The following FBXL17 variants were observed in gnomAD, a reference collection of about 807,000 sequenced individuals.
The protein encoded by FBXL17 is F-box/LRR-repeat protein 17.
A neutral mutation model predicts 66.2 loss-of-function variants in FBXL17; 22 were observed. The observed-to-expected ratio is 0.33, with a 90% CI of 0.24 to 0.47. The LOEUF (loss-of-function observed/expected upper bound fraction) is 0.47, where lower values mean the gene tolerates loss of function less well. FBXL17 is among the 20% of genes least tolerant of loss of function. The pLI, the probability that FBXL17 is intolerant of heterozygous loss-of-function variation, is 1.00. For missense variants in FBXL17, 878 were observed against 948.2 expected (o/e 0.93, Z 0.97); for synonymous variants, 474 against 400.5 (o/e 1.18, Z -2.19).
chr5:108,367,293 T>C (rs1412769949), intron 2 of FBXL17, among the ~76,000 whole-genome samples: 1 of 151,580 alleles, frequency 6.6e-6, no homozygotes, highest in Non-Finnish European at 1.5e-5. Flanking sequence ...ATTAGGCAGC[T>C]AAGCAACAGG....
chr5:107,894,652 T>C (rs1187403301), intron 7 of FBXL17, among the ~76,000 whole-genome samples: 1 of 152,142 alleles, frequency 6.6e-6, no homozygotes, highest in African/African-American at 2.4e-5. Context: ...TGATCCATCC[T>C]GGGGGACATT....
At chr5:108,373,755 A>G (rs1749224943) in intron 1 of FBXL17, among the ~76,000 whole-genome samples, 1 of 151,902 alleles carries the variant, frequency 6.6e-6, no homozygotes, top group African/African-American at 2.4e-5. Flanking sequence ...GTCTCCACAA[A>G]AAAAATGACA....
chr5:107,954,392 C>T (rs1384138035), intron 7 of FBXL17, among the ~76,000 whole-genome samples: 1 of 152,174 alleles, frequency 6.6e-6, no homozygotes, highest in Non-Finnish European at 1.5e-5. Flanking sequence ...AGTGATATCT[C>T]ATTAGGAAAG....
rs569239135 is a variant in FBXL17 at position 108,012,770 on chromosome 5, C to T, written c.1822+8155G>A. Among the ~76,000 whole-genome samples, 8 of 152,146 alleles carry T rather than the reference C, an allele frequency of 5.3e-5. No individual in the cohort carries two copies. The South Asian group carries it at 8.3e-4, about 16-fold the overall frequency. On this transcript the variant is annotated intron_variant, in intron 7 of 8. Coordinates refer to ENST00000542267, the MANE Select transcript of FBXL17 (RefSeq NM_001163315.3). ...GTGGCTCATGCCTGTAATCCCAGCACTTTGGGAGGCCAAGGCAGGCGGATC... is the reference window on the plus strand; with the variant it reads ...GTGGCTCATGCCTGTAATCCCAGCATTTTGGGAGGCCAAGGCAGGCGGATC...
At chr5:108,268,629 A>G (rs1435260757) in intron 4 of FBXL17, among the ~76,000 whole-genome samples, 1 of 130,628 alleles carries the variant, frequency 7.7e-6, no homozygotes, top group African/African-American at 4.5e-5. Flanking sequence ...ATTCAAACTG[A>G]AAAAAAAATG....
At chr5:107,944,685 C>T (rs1490165967) in intron 7 of FBXL17, among the ~76,000 whole-genome samples, 3 of 152,116 alleles carry the variant, frequency 2.0e-5, no homozygotes, top group African/African-American at 7.2e-5. Context: ...GATGAGACTG[C>T]CACATGTTCT....
intron 7 of FBXL17, among the ~76,000 whole-genome samples, chr5:107,909,013 C>A (rs539937861): frequency 6.6e-6 from 1 of 152,218 alleles, no homozygotes; most frequent in South Asian, 2.1e-4. Context: ...CCCATCTTAA[C>A]TATGATTAAC....
intron 7 of FBXL17, among the ~76,000 whole-genome samples, chr5:107,961,603 CAGA>C (rs1751911440): frequency 6.6e-6 from 1 of 152,112 alleles, no homozygotes; most frequent in African/African-American, 2.4e-5. Context: ...GGGGCAAGGA[CAGA>C]AGAAGTAGTT....
chr5:107,999,786 C>A (rs1753643156), intron 7 of FBXL17, among the ~76,000 whole-genome samples: 1 of 152,144 alleles, frequency 6.6e-6, no homozygotes, highest in African/African-American at 2.4e-5. Context: ...TAAACACTTA[C>A]TGGTTGATTG....
intron 6 of FBXL17, among the ~76,000 whole-genome samples, chr5:108,178,798 A>C (rs978948260): frequency 6.6e-6 from 1 of 152,172 alleles, no homozygotes; most frequent in African/African-American, 2.4e-5. Context: ...CTTTATTTCC[A>C]AGTTTTCAGG....
intron 7 of FBXL17, among the ~76,000 whole-genome samples, chr5:107,910,105 G>T (rs1749898689): frequency 6.7e-6 from 1 of 149,650 alleles, no homozygotes; most frequent in African/African-American, 2.5e-5. Context: ...TTTGCTTGCA[G>T]TGTGGGATGG....
At chr5:108,322,248 AATTT>A (rs1443752196) in intron 4 of FBXL17, among the ~76,000 whole-genome samples, 2 of 151,980 alleles carry the variant, frequency 1.3e-5, no homozygotes, top group Non-Finnish European at 2.9e-5. Flanking sequence ...TAAATGACAT[AATTT>A]ATTTAATTGC....
At chr5:108,237,847 T>C (rs1580670550) in intron 4 of FBXL17, among the ~76,000 whole-genome samples, 1 of 152,288 alleles carries the variant, frequency 6.6e-6, no homozygotes, top group East Asian at 1.9e-4. Flanking sequence ...TCTGATGCTC[T>C]ACAGAGTACA....
At chr5:107,866,178 G>T (rs1006216238) in intron 8 of FBXL17, among the ~76,000 whole-genome samples, 1 of 151,496 alleles carries the variant, frequency 6.6e-6, no homozygotes, top group Admixed American at 6.6e-5. Context: ...ACTCCTATAT[G>T]ACACATGAGA....
At chr5:108,335,924 A>AAC (rs1413161090) in intron 4 of FBXL17, among the ~76,000 whole-genome samples, 1 of 152,138 alleles carries the variant, frequency 6.6e-6, no homozygotes, top group Non-Finnish European at 1.5e-5. Context: ...GGGAAAAAAA[A>AAC]ACACAATTTA....
At chr5:108,311,804 A>G (rs772043434) in intron 4 of FBXL17, among the ~76,000 whole-genome samples, 10 of 152,362 alleles carry the variant, frequency 6.6e-5, no homozygotes, top group Middle Eastern at 6.8e-3. Flanking sequence ...AAGAGAATGC[A>G]TAATAACAAA....
intron 6 of FBXL17, among the ~76,000 whole-genome samples, chr5:108,166,586 A>T (rs754988258): frequency 1.3e-5 from 2 of 152,214 alleles, no homozygotes; most frequent in Non-Finnish European, 2.9e-5. Context: ...TGATATGTTA[A>T]CAAAGTGGAC....
intron 4 of FBXL17, among the ~76,000 whole-genome samples, chr5:108,321,123 T>TGATATTG: frequency 6.7e-6 from 1 of 150,210 alleles, no homozygotes; most frequent in East Asian, 1.9e-4. Context: ...ATATAACTGC[T>TGATATTG]GATGCTCGTA....
In FBXL17 at chr5:108,381,194, C is replaced by T; in HGVS notation, c.498G>A (p.Pro166=). Residue 166 remains proline (P), a synonymous_variant, in exon 1 of 9, where the codon CCG becomes CCA. Coordinates refer to ENST00000542267, the MANE Select transcript of FBXL17 (RefSeq NM_001163315.3). ...CGGCGGGCGGCCCCAGGAAGCGCAC[C>T]GGCCCCAAGCTGGCCAGGAAGAGAC... ...GRSLFLASLG[P]VRFLGPPAAV... 2 of 1,439,544 alleles carry T rather than the reference C, an allele frequency of 1.4e-6. No individual in the cohort carries two copies. The highest frequency in any genetic ancestry group is 1.8e-6 in the Non-Finnish European group (2 of 1,097,926). The allele number at this position is 1,439,544 out of a possible 1,614,324, so 89.2% of individuals were successfully genotyped here.
Sources: allele counts gnomAD v4.1 joint callset (sites outside exome capture counted in the v4.1 genomes callset), GRCh38; gene constraint gnomAD v4.1.1; transcripts MANE v1.5; gene names NCBI Gene and HGNC (gene_info 2026-07-23, HGNC 2026-07-21).